RFX7: variants seen among roughly 807,000 people sequenced by gnomAD.
RFX7 encodes DNA-binding protein RFX7.
Under a neutral mutation model 111.8 loss-of-function variants are expected in RFX7, and 26 were observed. That is an observed-to-expected ratio of 0.23 (90% CI 0.17 to 0.32). The LOEUF is 0.32. Ranked by LOEUF, RFX7 falls within the 10% of genes least tolerant of loss-of-function variation. The pLI is 1.00. For synonymous variants in RFX7, 624 were observed against 624.4 expected (o/e 1.00, Z 0.01); for missense variants, 1,573 against 1,772.9 (o/e 0.89, Z 2.02).
intron 9 of RFX7, among the ~76,000 whole-genome samples, chr15:56,097,214 C>G (rs1262970627): frequency 6.6e-6 from 1 of 152,084 alleles, no homozygotes; most frequent in Non-Finnish European, 1.5e-5. Context: ...CATAAAGCAC[C>G]AACTTACTCT....
At chr15:56,146,215 A>T (rs1464709028) in intron 3 of RFX7, among the ~76,000 whole-genome samples, 1 of 152,066 alleles carries the variant, frequency 6.6e-6, no homozygotes, top group Admixed American at 6.6e-5. Flanking sequence ...ATCCCACCTC[A>T]GCCTCCCAAG....
intron 5 of RFX7, among the ~76,000 whole-genome samples, chr15:56,139,869 G>A (rs1273776676): frequency 3.9e-5 from 6 of 152,134 alleles, no homozygotes; most frequent in Non-Finnish European, 4.4e-5. Context: ...GTTGGAATAC[G>A]CTGCAGTGTG....
intron 7 of RFX7, 78 bp from the exon 8 acceptor site, chr15:56,101,644 C>A (rs2041755111): frequency 1.6e-6 from 2 of 1,243,134 alleles, no homozygotes; most frequent in African/African-American, 1.5e-5. Flanking sequence ...GATATGTATT[C>A]TTAATTAGAA....
At chr15:56,137,796 G>C (rs2042326876) in intron 5 of RFX7, among the ~76,000 whole-genome samples, 2 of 152,078 alleles carry the variant, frequency 1.3e-5, no homozygotes, top group African/African-American at 4.8e-5. Context: ...ATGCGTCCCA[G>C]AGATTCTGGT....
At chr15:56,096,762 A>AACATAG in intron 9 of RFX7, 142 bp from the exon 10 acceptor site, 1 of 824,046 alleles carries the variant, frequency 1.2e-6, no homozygotes, top group Non-Finnish European at 1.8e-6. Flanking sequence ...GAGTTCTTCT[A>AACATAG]GACCAGGTTC....
chr15:56,140,089 C>T (rs1165060125), intron 5 of RFX7, among the ~76,000 whole-genome samples: 2 of 152,176 alleles, frequency 1.3e-5, no homozygotes, highest in African/African-American at 4.8e-5. Context: ...GCCCTGCCCC[C>T]AGAGGTGGAG....
At chr15:56,230,584 T>A (rs2043541966) in intron 2 of RFX7, among the ~76,000 whole-genome samples, 1 of 152,238 alleles carries the variant, frequency 6.6e-6, no homozygotes, top group African/African-American at 2.4e-5. Context: ...TATTCACTAG[T>A]ACCTACCACT....
intron 5 of RFX7, among the ~76,000 whole-genome samples, chr15:56,124,714 G>T (rs541177287): frequency 1.3e-5 from 2 of 152,024 alleles, no homozygotes; most frequent in Admixed American, 6.6e-5. Context: ...TTTTCTTTGC[G>T]GCTTAAATGT....
In RFX7 at chr15:56,095,751, T is replaced by C. The variant is rs2041666870; in HGVS notation, c.1977A>G (p.Arg659=). 3.1e-6 allele frequency: 5 copies of C among 1,613,920 alleles called. No individual in the cohort carries two copies. Among genetic ancestry groups the C allele is most frequent in the Non-Finnish European group, 4.2e-6 (5 of 1,179,834 alleles). The part of the protein sequence containing the change: ...PKLCTKSPRK[R]LSSTLQETQV... ...GGGTCTCCTGCAATGTAGAAGACAG[T>C]CGTTTTCTTGGGCTTTTAGTGCATA... The change falls in exon 10 of 10, where the codon CGA becomes CGG. Residue 659 remains arginine (R), a synonymous_variant. Transcript: ENST00000559447.
At chr15:56,187,646 G>A (rs1166476035) in intron 2 of RFX7, among the ~76,000 whole-genome samples, 1 of 152,138 alleles carries the variant, frequency 6.6e-6, no homozygotes, top group African/African-American at 2.4e-5. Flanking sequence ...AAAGGAAAGT[G>A]CTCCAAAATT....
rs74017495 is a variant in RFX7, at chr15:56,236,293, C to T, written c.161+6832G>A. ...GGTATTTATTTATGTGGGTTGAGTG[C>T]CAAATATCTTAATCTCATAGTCAGC... is the stretch of plus-strand genomic sequence containing the variant. On this transcript the variant is annotated intron_variant, in intron 2 of 9. Coordinates refer to ENST00000559447, the MANE Select transcript of RFX7 (RefSeq NM_022841.7). Among the ~76,000 whole-genome samples, 739 of 152,152 alleles carry T rather than the reference C, an allele frequency of 4.9e-3. 13 individuals carry two copies. Among genetic ancestry groups the T allele is most frequent in the African/African-American group, 0.017 (718 of 41,512 alleles).
chr15:56,100,521 C>T (rs1428412991), intron 8 of RFX7, among the ~76,000 whole-genome samples: 1 of 152,128 alleles, frequency 6.6e-6, no homozygotes, highest in African/African-American at 2.4e-5. Flanking sequence ...AATTAAGAGA[C>T]TATAATTCTG....
intron 3 of RFX7, among the ~76,000 whole-genome samples, chr15:56,150,828 T>C (rs1477100845): frequency 6.6e-6 from 1 of 152,162 alleles, no homozygotes; most frequent in African/African-American, 2.4e-5. Flanking sequence ...GAAAAAAGGT[T>C]AGTTGAATTG....
chr15:56,205,790 T>C (rs2043244480), intron 2 of RFX7, among the ~76,000 whole-genome samples: 2 of 151,942 alleles, frequency 1.3e-5, no homozygotes, highest in Non-Finnish European at 2.9e-5. Context: ...TTGACAGAAG[T>C]GAAAGTTATT....
Position 56,089,179 on chromosome 15 carries a change from A to C in RFX7, c.*4166T>G, listed in dbSNP as rs1239018463. 6.6e-6 allele frequency: 1 copy of C among 152,272 alleles called. No homozygotes were observed. Among genetic ancestry groups the C allele is most frequent in the African/African-American group, 2.4e-5 (1 of 41,448 alleles). 9.4% of individuals were successfully genotyped at this position (152,272 alleles called of 1,614,324 possible). On this transcript the variant is annotated 3_prime_UTR_variant, in exon 10 of 10. Transcript: ENST00000559447. ...ATGAGCCTTTGTTTAATACAATGAG[A>C]CTAACAGTGTGTGTGTATGGAGTGC...
At chr15:56,103,420 T>A (rs2041785499) in intron 6 of RFX7, 134 bp downstream of exon 6, 1 of 584,266 alleles carries the variant, frequency 1.7e-6, no homozygotes, top group African/African-American at 1.9e-5. Flanking sequence ...TTGCAATTAT[T>A]CTACTTAAGC....
At chr15:56,165,404 G>A (rs539898418) in intron 3 of RFX7, among the ~76,000 whole-genome samples, 1 of 152,280 alleles carries the variant, frequency 6.6e-6, no homozygotes, top group East Asian at 1.9e-4. Flanking sequence ...GATGGCATCT[G>A]TTACCTAGTT....
At chr15:56,176,327 C>T (rs2042902359) in intron 3 of RFX7, among the ~76,000 whole-genome samples, 1 of 151,894 alleles carries the variant, frequency 6.6e-6, no homozygotes, top group South Asian at 2.1e-4. Context: ...TCAACAAAGC[C>T]CAAGTAGGAC....
intron 3 of RFX7, among the ~76,000 whole-genome samples, chr15:56,155,738 A>G (rs2042643950): frequency 6.6e-6 from 1 of 152,210 alleles, no homozygotes; most frequent in South Asian, 2.1e-4. Context: ...CGTTCTGCAC[A>G]TGTAACCCAG....
Sources: allele counts gnomAD v4.1 joint callset (sites outside exome capture counted in the v4.1 genomes callset), GRCh38; gene constraint gnomAD v4.1.1; transcripts MANE v1.5; gene names NCBI Gene and HGNC (gene_info 2026-07-23, HGNC 2026-07-21).